Variants in PTK2 observed in about 807,000 individuals in gnomAD.
PTK2 encodes protein tyrosine kinase 2, also known as focal adhesion kinase 1.
Under a neutral mutation model 150.1 loss-of-function variants are expected in PTK2, and 45 were observed. The observed-to-expected ratio is 0.30, with a 90% confidence interval of 0.24 to 0.38. The LOEUF is 0.38. PTK2 is among the 10% of genes least tolerant of loss of function. The pLI is 1.00. For missense variants in PTK2, 919 were observed against 1,307.3 expected (o/e 0.70, Z 4.58); for synonymous variants, 432 against 449.2 (o/e 0.96, Z 0.48).
chr8:140,981,096 G>C (rs1385879840), intron 1 of PTK2, among the ~76,000 whole-genome samples: 3 of 118,118 alleles, frequency 2.5e-5, no homozygotes, highest in Non-Finnish European at 5.4e-5. Context: ...TCCTGCTCTG[G>C]AAAAAAAAAA....
At chr8:140,743,502 C>T (rs1482218780) in intron 19 of PTK2, among the ~76,000 whole-genome samples, 172 bp from the exon 23 acceptor site, 1 of 151,902 alleles carries the variant, frequency 6.6e-6, no homozygotes, top group Non-Finnish European at 1.5e-5. Flanking sequence ...TATACACACA[C>T]ACAAAATTTA....
At chr8:140,950,992 C>T (rs1357064953) in intron 1 of PTK2, among the ~76,000 whole-genome samples, 1 of 151,764 alleles carries the variant, frequency 6.6e-6, no homozygotes, top group Non-Finnish European at 1.5e-5. Flanking sequence ...TTTTTTAAGT[C>T]AACACTCCCA....
intron 7 of PTK2, among the ~76,000 whole-genome samples, chr8:140,836,867 T>TA (rs1260186607): frequency 1.3e-5 from 2 of 152,056 alleles, no homozygotes; most frequent in Non-Finnish European, 2.9e-5. Context: ...AACAAATTTC[T>TA]AAAAAAAGGC....
intron 26 of PTK2, among the ~76,000 whole-genome samples, chr8:140,693,450 T>C (rs1315245532): frequency 6.6e-6 from 1 of 151,312 alleles, no homozygotes; most frequent in East Asian, 1.9e-4. Flanking sequence ...GCAGCTACTC[T>C]GGAAGGAGGC....
chr8:140,692,498 T>G (rs962209761), intron 26 of PTK2, among the ~76,000 whole-genome samples: 1 of 152,156 alleles, frequency 6.6e-6, no homozygotes, highest in Non-Finnish European at 1.5e-5. Flanking sequence ...GCACCTGCAG[T>G]CCCAGCTAGT....
intron 2 of PTK2, among the ~76,000 whole-genome samples, chr8:140,895,835 AAT>A (rs2100155983): frequency 6.6e-6 from 1 of 152,022 alleles, no homozygotes; most frequent in Admixed American, 6.6e-5. Context: ...GTACCCCATA[AAT>A]ATATATATAC....
At chr8:140,723,886 T>G (rs1380691397) in intron 22 of PTK2, among the ~76,000 whole-genome samples, 1 of 152,232 alleles carries the variant, frequency 6.6e-6, no homozygotes, top group Non-Finnish European at 1.5e-5. Context: ...TCTCTTACTT[T>G]AAAATAAAAT....
exon 18 of PTK2, chr8:140,746,770 G>A (rs777640932): frequency 1.2e-6 from 2 of 1,609,584 alleles, no homozygotes; most frequent in Non-Finnish European, 1.7e-6. Flanking sequence ...CTCTCCAAGT[G>A]TGCACAGCTC....
At chr8:140,811,778 T>C (rs1189490878) in intron 10 of PTK2, among the ~76,000 whole-genome samples, 2 of 152,154 alleles carry the variant, frequency 1.3e-5, no homozygotes, top group African/African-American at 4.8e-5. Context: ...CAACCGTAAG[T>C]ATTAATAGCC....
chr8:140,995,593 G>C (rs1161605793), intron 1 of PTK2, among the ~76,000 whole-genome samples: 1 of 151,966 alleles, frequency 6.6e-6, no homozygotes, highest in African/African-American at 2.4e-5. Flanking sequence ...CCTGAGCTCA[G>C]GAGTTTGAGA....
At chr8:140,846,970 T>C (rs2100125951) in intron 5 of PTK2, among the ~76,000 whole-genome samples, 1 of 152,312 alleles carries the variant, frequency 6.6e-6, no homozygotes, top group African/African-American at 2.4e-5. Flanking sequence ...ACGTGAGTTA[T>C]ACCAAAAAAT....
At chr8:140,860,689 G>A (rs1023416885) in intron 5 of PTK2, among the ~76,000 whole-genome samples, 9 of 152,266 alleles carry the variant, frequency 5.9e-5, no homozygotes, top group African/African-American at 2.2e-4. Flanking sequence ...GCCAAGGCTG[G>A]TCTCGAACTC....
At chr8:140,886,307 G>A (rs1443136047) in intron 3 of PTK2, among the ~76,000 whole-genome samples, 1 of 152,140 alleles carries the variant, frequency 6.6e-6, no homozygotes, top group African/African-American at 2.4e-5. Context: ...AGAAATGTGT[G>A]GACTTTTCCA....
chr8:140,900,168 G>C (rs1250717173), intron 2 of PTK2, among the ~76,000 whole-genome samples: 1 of 152,162 alleles, frequency 6.6e-6, no homozygotes, highest in East Asian at 1.9e-4. Flanking sequence ...TAGTTTCGTT[G>C]ACAGATGACA....
At chr8:140,817,612 T>C (rs573809255) in intron 10 of PTK2, among the ~76,000 whole-genome samples, 1 of 152,330 alleles carries the variant, frequency 6.6e-6, no homozygotes, top group South Asian at 2.1e-4. Flanking sequence ...CACAGATGTA[T>C]TCCATATTTA....
chr8:140,796,945 T>C (rs1656424029), intron 12 of PTK2, among the ~76,000 whole-genome samples: 1 of 152,210 alleles, frequency 6.6e-6, no homozygotes, highest in South Asian at 2.1e-4. Flanking sequence ...AGCTGCATAG[T>C]ATTACATCAT....
At chr8:140,839,253 C>T (rs536544184) in intron 7 of PTK2, among the ~76,000 whole-genome samples, 2 of 152,164 alleles carry the variant, frequency 1.3e-5, no homozygotes, top group African/African-American at 4.8e-5. Flanking sequence ...TGAGGTTGGA[C>T]CTGACGAAGG....
intron 5 of PTK2, among the ~76,000 whole-genome samples, chr8:140,858,496 C>G (rs2100134175): frequency 6.7e-6 from 1 of 149,744 alleles, no homozygotes. Flanking sequence ...CTGTAAAAAC[C>G]AAAGAGAAAA....
intron 31 of PTK2, chr8:140,662,710 A>G: frequency 3.3e-6 from 2 of 597,638 alleles, no homozygotes; most frequent in Non-Finnish European, 6.4e-6. Flanking sequence ...CAGTTGGTCA[A>G]CTGGAACATC....
Sources: gnomAD v4.1 joint callset for allele counts (sites outside exome capture counted in the v4.1 genomes callset) on GRCh38, gnomAD v4.1.1 for gene constraint, MANE v1.5 for transcripts, NCBI Gene and HGNC (gene_info 2026-07-23, HGNC 2026-07-21) for gene names.